The following KCNB2 variants were observed in gnomAD, a reference collection of about 807,000 sequenced individuals.
KCNB2 encodes the protein potassium voltage-gated channel subfamily B member 2.
In KCNB2, 15 loss-of-function variants were observed where a neutral mutation model predicts 61.5. That is an observed-to-expected ratio of 0.24 (90% CI 0.16 to 0.38). The LOEUF (loss-of-function observed/expected upper bound fraction) is 0.38. KCNB2 is among the 10% of genes least tolerant of loss of function. The pLI is 1.00. For missense variants in KCNB2, 828 were observed against 1,125.2 expected, an observed-to-expected ratio of 0.74 and a Z score of 3.78; for synonymous variants, 457 against 446.0, an observed-to-expected ratio of 1.02 and a Z score of -0.31.
chr8:72,626,341 C>T (rs1805789558), intron 2 of KCNB2, among the ~76,000 whole-genome samples: 2 of 152,182 alleles, frequency 1.3e-5, no homozygotes, highest in South Asian at 4.1e-4. Flanking sequence ...TGGGAAACCA[C>T]AAATCTAAGG....
Position 72,824,823 on chromosome 8 carries a change from C to T in KCNB2, c.580-111112C>T, listed in dbSNP as rs561148773. ...ATGGGATCCCTTGCAAGGCTTCCTCCGTAGACCTCCTCACAGTCCCCCACT... is the reference window on the plus strand; with the variant it reads ...ATGGGATCCCTTGCAAGGCTTCCTCTGTAGACCTCCTCACAGTCCCCCACT... On this transcript the variant is annotated intron_variant, in intron 2 of 2. Transcript: ENST00000523207. Among the ~76,000 whole-genome samples, 12 of 152,222 alleles carry T rather than the reference C, an allele frequency of 7.9e-5. No individual in the cohort carries two copies. In the East Asian group the frequency reaches 1.9e-3, roughly 25 times the overall value.
At chr8:72,922,863 C>T (rs1290510983) in intron 2 of KCNB2, among the ~76,000 whole-genome samples, 1 of 152,186 alleles carries the variant, frequency 6.6e-6, no homozygotes, top group Non-Finnish European at 1.5e-5. Context: ...AGGACATGCC[C>T]ATGGCACAGC....
chr8:72,889,195 A>G (rs1241969926), intron 2 of KCNB2, among the ~76,000 whole-genome samples: 1 of 152,162 alleles, frequency 6.6e-6, no homozygotes, highest in Non-Finnish European at 1.5e-5. Flanking sequence ...TTTGCAACAC[A>G]TCACTGTTAC....
chr8:72,685,826 C>T (rs949340304), intron 2 of KCNB2, among the ~76,000 whole-genome samples: 5 of 152,026 alleles, frequency 3.3e-5, no homozygotes, highest in South Asian at 2.1e-4. Context: ...CCTGTCTCTA[C>T]GAAAAATACA....
chr8:72,633,893 G>A (rs1805922002), intron 2 of KCNB2, among the ~76,000 whole-genome samples: 2 of 152,120 alleles, frequency 1.3e-5, no homozygotes, highest in Non-Finnish European at 2.9e-5. Flanking sequence ...TGCTTAGCCT[G>A]ATGCTGCAGC....
intron 2 of KCNB2, among the ~76,000 whole-genome samples, chr8:72,897,671 C>T (rs367714541): frequency 3.9e-5 from 6 of 152,102 alleles, no homozygotes; most frequent in African/African-American, 1.4e-4. Context: ...GTCCCAAATT[C>T]GTTAATTCAT....
Position 72,937,842 on chromosome 8 carries a change from C to T in KCNB2, c.2487C>T (p.Ser829=), listed in dbSNP as rs373007065. 61 of 1,613,886 alleles carry T rather than the reference C, an allele frequency of 3.8e-5. No homozygotes were observed. Among genetic ancestry groups the T allele is most frequent in the Non-Finnish European group, 5.2e-5 (61 of 1,180,006 alleles). The change falls in exon 3 of 3, where the codon TCC becomes TCT. Residue 829 remains serine, a synonymous_variant. Transcript: ENST00000523207. ...PGAREEKQVD[S]SPNCFADKPS... is the part of the protein sequence containing the mutation. ...CAAGGGAGGAGAAGCAGGTGGACTC[C>T]AGCCCAAATTGCTTTGCAGATAAGC...
intron 2 of KCNB2, among the ~76,000 whole-genome samples, chr8:72,708,153 G>A (rs1329125914): frequency 6.6e-6 from 1 of 152,186 alleles, no homozygotes; most frequent in Non-Finnish European, 1.5e-5. Flanking sequence ...AAAGGAACCT[G>A]CTGCTGTGGT....
chr8:72,895,409 A>G (rs1220361683), intron 2 of KCNB2, among the ~76,000 whole-genome samples: 2 of 152,184 alleles, frequency 1.3e-5, no homozygotes, highest in African/African-American at 4.8e-5. Flanking sequence ...GAAGGGGAGC[A>G]TGACCTAAGT....
At chr8:72,561,768 TATATATATGG>T (rs1256074445) in intron 1 of KCNB2, among the ~76,000 whole-genome samples, 5 of 31,786 alleles carry the variant, frequency 1.6e-4, no homozygotes, top group African/African-American at 3.4e-4. Context: ...TATGGATATA[TATATATATGG>T]ATATATATAT....
intron 2 of KCNB2, among the ~76,000 whole-genome samples, chr8:72,855,458 CA>C (rs2129003613): frequency 6.6e-6 from 1 of 152,238 alleles, no homozygotes; most frequent in East Asian, 1.9e-4. Flanking sequence ...AACCCCTCCT[CA>C]AGGAAGCTTT....
intron 2 of KCNB2, among the ~76,000 whole-genome samples, chr8:72,580,912 T>G (rs183277940): frequency 7.9e-4 from 121 of 152,288 alleles, no homozygotes; most frequent in African/African-American, 2.7e-3. Flanking sequence ...GGGCCTCTCC[T>G]GAATTAAAAA....
intron 2 of KCNB2, among the ~76,000 whole-genome samples, chr8:72,741,098 A>G (rs563895723): frequency 2.6e-5 from 4 of 152,138 alleles, no homozygotes; most frequent in African/African-American, 7.2e-5. Flanking sequence ...TTTTCTATAT[A>G]TCCCTTTTTG....
intron 2 of KCNB2, among the ~76,000 whole-genome samples, chr8:72,719,674 C>T (rs1039779619): frequency 3.3e-5 from 5 of 152,072 alleles, no homozygotes; most frequent in Admixed American, 1.3e-4. Flanking sequence ...GAAGGTTCCA[C>T]ACTTTCCTCC....
chr8:72,828,445 T>C (rs1809635088), intron 2 of KCNB2, among the ~76,000 whole-genome samples: 1 of 152,190 alleles, frequency 6.6e-6, no homozygotes, highest in Admixed American at 6.5e-5. Context: ...TACCTGGATT[T>C]TTTTTAATGT....
At chr8:72,905,314 C>T (rs748823466) in intron 2 of KCNB2, among the ~76,000 whole-genome samples, 1 of 152,092 alleles carries the variant, frequency 6.6e-6, no homozygotes, top group Non-Finnish European at 1.5e-5. Flanking sequence ...GTCTGGCCAC[C>T]TAAAATATCC....
chr8:72,806,725 C>T (rs1809230997), intron 2 of KCNB2, among the ~76,000 whole-genome samples: 1 of 152,066 alleles, frequency 6.6e-6, no homozygotes, highest in Admixed American at 6.6e-5. Flanking sequence ...ATTGAATGTC[C>T]AGTGTGCACC....
At chr8:72,895,349 A>G (rs149761918) in intron 2 of KCNB2, among the ~76,000 whole-genome samples, 211 of 152,320 alleles carry the variant, frequency 1.4e-3, no homozygotes, top group Middle Eastern at 6.8e-3. Flanking sequence ...AGATGGAGTT[A>G]TGGAAGAAAG....
chr8:72,713,004 G>C (rs907954647), intron 2 of KCNB2, among the ~76,000 whole-genome samples: 4 of 152,246 alleles, frequency 2.6e-5, no homozygotes, highest in African/African-American at 9.6e-5. Context: ...TGGCACACCA[G>C]GAGATTATAT....
Sources: gnomAD v4.1 joint callset for allele counts (sites outside exome capture counted in the v4.1 genomes callset) on GRCh38, gnomAD v4.1.1 for gene constraint, MANE v1.5 for transcripts, NCBI Gene and HGNC (gene_info 2026-07-23, HGNC 2026-07-21) for gene names.